The following BANF2 variants were observed in gnomAD, a reference collection of about 807,000 sequenced individuals.
BANF2 encodes barrier-to-autointegration factor-like protein.
A neutral mutation model predicts 8.0 loss-of-function variants in BANF2; 4 were observed. The ratio of observed to expected loss-of-function variants is 0.50; its 90% CI spans 0.25 to 1.14. BANF2 has a LOEUF of 1.14. Among genes scored for constraint, BANF2 ranks in the 50% most tolerant of loss-of-function variants. The pLI is 0.16. For synonymous variants in BANF2, 50 were observed against 40.6 expected (o/e 1.23, Z -0.88); for missense variants, 96 against 107.5 (o/e 0.89, Z 0.47).
chr20:17,716,334 T>C (rs1000073854), intron 1 of BANF2, among the ~76,000 whole-genome samples: 1 of 152,004 alleles, frequency 6.6e-6, no homozygotes, highest in African/African-American at 2.4e-5. Context: ...CCCCCCTTCT[T>C]TTCTTTTCCT....
chr20:17,710,045 C>T (rs953811555), intron 1 of BANF2, among the ~76,000 whole-genome samples: 1 of 152,196 alleles, frequency 6.6e-6, no homozygotes, highest in Non-Finnish European at 1.5e-5. Flanking sequence ...GGGCTCCCTC[C>T]CACTGGGGAT....
At chr20:17,722,646 C>A in intron 1 of BANF2, 70 bp from the exon 2 acceptor site, 1 of 826,108 alleles carries the variant, frequency 1.2e-6, no homozygotes, top group Non-Finnish European at 1.5e-6. Context: ...GCTCACACAT[C>A]TGTGGATTTA....
intron 2 of BANF2, 60 bp from the exon 3 acceptor site, chr20:17,724,963 A>G (rs2037782460): frequency 1.3e-6 from 2 of 1,526,420 alleles, no homozygotes; most frequent in Non-Finnish European, 1.8e-6. Context: ...CCCAGTGTCC[A>G]TGCACACTGG....
chr20:17,716,906 G>T (rs191315009), intron 1 of BANF2, among the ~76,000 whole-genome samples: 223 of 152,020 alleles, frequency 1.5e-3, no homozygotes, highest in Non-Finnish European at 2.3e-3. Flanking sequence ...GAGAGACGGG[G>T]TCTCACTTGG....
intron 1 of BANF2, among the ~76,000 whole-genome samples, chr20:17,708,023 G>A (rs2037508975): frequency 8.7e-6 from 1 of 114,678 alleles, no homozygotes; most frequent in African/African-American, 3.4e-5. Flanking sequence ...CCAACATGGT[G>A]AAACCCTGTC....
chr20:17,730,946 G>A (rs973223739), intron 3 of BANF2, among the ~76,000 whole-genome samples: 18 of 152,204 alleles, frequency 1.2e-4, no homozygotes, highest in Admixed American at 1.0e-3. Flanking sequence ...GAGGAAGAAG[G>A]GGTAAACATT....
At chr20:17,732,043 G>A (rs2037905019) in intron 3 of BANF2, among the ~76,000 whole-genome samples, 1 of 151,430 alleles carries the variant, frequency 6.6e-6, no homozygotes, top group Admixed American at 6.6e-5. Flanking sequence ...TCCATCCTGG[G>A]CAACAGAGGG....
rs58519122 is a variant in BANF2, at chr20:17,722,651, G to A, written c.-166-65G>A. The A allele has an allele frequency of 4.7e-4, 404 of 866,302 alleles. 1 individual carries two copies. In the African/African-American group the frequency reaches 6.3e-3, roughly 14 times the overall value. 53.7% of individuals were successfully genotyped at this position (866,302 alleles called of 1,614,324 possible). A position where few individuals can be genotyped will look rare whatever the true frequency, so the allele number is the denominator to read the frequency against. ...GATGCCCTCGGCTCACACATCTGTG[G>A]ATTTAAGACCCACAGAGTCAGGGGA... On this transcript the variant is annotated intron_variant, in intron 1 of 3. Coordinates refer to ENST00000246090, the MANE Select transcript of BANF2 (RefSeq NM_178477.5).
rs146081500 is a variant in BANF2, at chr20:17,735,754, G to A, written c.216G>A (p.Glu72=). 62 of 1,613,880 alleles carry A rather than the reference G, an allele frequency of 3.8e-5. No homozygotes were observed. Among genetic ancestry groups the A allele is most frequent in the Admixed American group, 1.8e-4 (11 of 59,988 alleles). Residue 72 remains glutamate (E), a synonymous_variant, in exon 4 of 4, where the codon GAG becomes GAA. Transcript: ENST00000246090. The part of the protein sequence containing the change: ...RWLICCFGAT[E]CEAQQTSHCL... Reference sequence around the variant, plus strand: ...TCATTTGCTGTTTTGGTGCCACTGAGTGTGAGGCCCAGCAGACTTCTCACT... The same window carrying A: ...TCATTTGCTGTTTTGGTGCCACTGAATGTGAGGCCCAGCAGACTTCTCACT...
chr20:17,703,739 A>AC (rs1235209846), intron 1 of BANF2, among the ~76,000 whole-genome samples: 1 of 121,906 alleles, frequency 8.2e-6, no homozygotes, highest in African/African-American at 3.5e-5. Context: ...AAGTAGGCTG[A>AC]CTTTTTTTTT....
intron 3 of BANF2, among the ~76,000 whole-genome samples, chr20:17,735,461 G>A (rs977766770): frequency 3.3e-5 from 5 of 152,226 alleles, no homozygotes; most frequent in Non-Finnish European, 5.9e-5. Flanking sequence ...CCAGCCCTGA[G>A]AGATGGGCAT....
rs1476471978 is a variant in BANF2 at position 17,722,167 on chromosome 20, G to A, written c.-166-549G>A. Among the ~76,000 whole-genome samples, 3 of 152,192 alleles carry A rather than the reference G, an allele frequency of 2.0e-5. No individual in the cohort carries two copies. In the East Asian group the frequency reaches 5.8e-4, roughly 29 times the overall value. The stretch of plus-strand genomic sequence containing the variant: ...CGACGTTGCTGGAGAGCCCCAGGAG[G>A]GCAAAAGTCACTGCCTATGTCCACA... On this transcript the variant is annotated intron_variant, in intron 1 of 3. Transcript: ENST00000246090.
At chr20:17,708,497 C>T (rs1324191157) in intron 1 of BANF2, among the ~76,000 whole-genome samples, 1 of 152,188 alleles carries the variant, frequency 6.6e-6, no homozygotes, top group Non-Finnish European at 1.5e-5. Context: ...GAGCCAGTCA[C>T]ATGGGACCCA....
At chr20:17,719,423 C>T (rs2037698772) in intron 1 of BANF2, among the ~76,000 whole-genome samples, 2 of 152,044 alleles carry the variant, frequency 1.3e-5, no homozygotes, top group Non-Finnish European at 2.9e-5. Flanking sequence ...TGAGCCACCA[C>T]ACCTGGGCCA....
At chr20:17,719,217 CG>C (rs1161635256) in intron 1 of BANF2, among the ~76,000 whole-genome samples, 1 of 152,142 alleles carries the variant, frequency 6.6e-6, no homozygotes, top group Non-Finnish European at 1.5e-5. Flanking sequence ...CTCCGCCTCC[CG>C]GGTTCAAGTG....
chr20:17,733,603 A>C (rs1013437168), intron 3 of BANF2, among the ~76,000 whole-genome samples: 1 of 152,198 alleles, frequency 6.6e-6, no homozygotes, highest in Non-Finnish European at 1.5e-5. Flanking sequence ...AACACTTAAT[A>C]AATGTTATTT....
intron 1 of BANF2, among the ~76,000 whole-genome samples, chr20:17,710,008 T>C (rs1352187565): frequency 2.0e-5 from 3 of 152,230 alleles, no homozygotes; most frequent in Non-Finnish European, 4.4e-5. Context: ...GAAGGTGGCC[T>C]TGAGCAGTTA....
intron 3 of BANF2, among the ~76,000 whole-genome samples, chr20:17,734,551 T>C (rs1484392151): frequency 1.3e-5 from 2 of 152,204 alleles, no homozygotes; most frequent in Non-Finnish European, 2.9e-5. Context: ...AACAAATCAA[T>C]GCTAAGATGC....
At chr20:17,695,435 G>C (rs773223729), upstream of BANF2, among the ~76,000 whole-genome samples, 24 of 96,254 alleles carry the variant, frequency 2.5e-4, no homozygotes, top group Non-Finnish European at 3.4e-4. Flanking sequence ...TACAGAGCAA[G>C]ACCTTGTCTC....
Sources: allele counts gnomAD v4.1 joint callset (sites outside exome capture counted in the v4.1 genomes callset), GRCh38; gene constraint gnomAD v4.1.1; transcripts MANE v1.5; gene names NCBI Gene and HGNC (gene_info 2026-07-23, HGNC 2026-07-21).